The following EYA2 variants were observed in gnomAD, a reference collection of about 807,000 sequenced individuals.
EYA2 encodes EYA transcriptional coactivator and phosphatase 2, also known as protein phosphatase EYA2.
Under a neutral mutation model 69.2 loss-of-function variants are expected in EYA2, and 31 were observed. That is an observed-to-expected ratio of 0.45 (90% CI 0.34 to 0.60). The LOEUF (loss-of-function observed/expected upper bound fraction) is 0.60. EYA2 is among the 20% of genes least tolerant of loss of function. The pLI, the probability that EYA2 is intolerant of heterozygous loss-of-function variation, is 0.02. For synonymous variants in EYA2, 257 were observed against 279.4 expected (o/e 0.92, Z 0.80); for missense variants, 622 against 701.2 (o/e 0.89, Z 1.28).
intron 12 of EYA2, among the ~76,000 whole-genome samples, chr20:47,174,306 G>A (rs1039927951): frequency 6.6e-6 from 1 of 152,230 alleles, no homozygotes; most frequent in African/African-American, 2.4e-5. Flanking sequence ...TAGCTATGTG[G>A]CCTTAGGCAA....
Position 46,987,975 on chromosome 20 carries a change from TATATATATATATATATATATATGG to T in EYA2, c.-10-2025_-10-2002del, listed in dbSNP as rs1462435663. On this transcript the variant is annotated intron_variant, in intron 1 of 15. Transcript: ENST00000327619. ...CTCTCTCTCTCTCTCTATATATATA[TATATATATATATATATATATATGG>T]GGCAAAAAAAAAATACAGAATAAAA... Among the ~76,000 whole-genome samples the T allele has an allele frequency of 3.1e-3, 209 of 68,406 alleles. 10 individuals are homozygous for T. Among genetic ancestry groups the T allele is most frequent in the African/African-American group, 0.014 (201 of 13,968 alleles). The allele number at this position is 68,406 out of a possible 152,430, so 44.9% of individuals were successfully genotyped here.
intron 6 of EYA2, among the ~76,000 whole-genome samples, chr20:47,073,498 G>GA (rs553578026): frequency 6.6e-6 from 1 of 151,992 alleles, no homozygotes; most frequent in Non-Finnish European, 1.5e-5. Flanking sequence ...GTGTCGTGGG[G>GA]GGGGGGTGCA....
intron 4 of EYA2, among the ~76,000 whole-genome samples, chr20:47,011,235 G>A (rs889875011): frequency 6.6e-6 from 1 of 152,152 alleles, no homozygotes; most frequent in Non-Finnish European, 1.5e-5. Context: ...ACTGAGGCTT[G>A]GAAAGCAGAG....
intron 9 of EYA2, among the ~76,000 whole-genome samples, chr20:47,126,712 TA>T (rs2033200158): frequency 6.6e-6 from 1 of 152,200 alleles, no homozygotes; most frequent in Non-Finnish European, 1.5e-5. Context: ...TTCATTATTT[TA>T]AAAATCATTT....
intron 9 of EYA2, among the ~76,000 whole-genome samples, chr20:47,134,018 C>A (rs976960667): frequency 6.6e-6 from 1 of 152,262 alleles, no homozygotes; most frequent in African/African-American, 2.4e-5. Flanking sequence ...CAAGGGCCAG[C>A]CCTGAAGACA....
rs548966890 is a variant in EYA2, at chr20:47,136,761, C to T, written c.889-6298C>T. 3.4e-5 allele frequency among the ~76,000 whole-genome samples: 5 copies of T among 148,198 alleles called. No homozygotes were observed. The South Asian group carries it at 6.4e-4, about 19-fold the overall frequency. ...TGTCTCAAAAAAAAAAAAAAAAGAA[C>T]TTCATCAAGAATGCATAATAGTTAT... is the stretch of plus-strand genomic sequence containing the variant. On this transcript the variant is annotated intron_variant, in intron 9 of 15. Coordinates refer to ENST00000327619, the MANE Select transcript of EYA2 (RefSeq NM_005244.5).
At position 47,162,433 on chromosome 20, in the gene EYA2, G is replaced by A. The variant is rs113512386; in HGVS notation, c.979-6706G>A. On this transcript the variant is annotated intron_variant, in intron 10 of 15. Transcript: ENST00000327619. Reference sequence around the variant, plus strand: ...TATCCCTAGTCCAATACTAGTTTCTGTCCAGTGATAGAGATTTTTGTCTCT... The same window carrying A: ...TATCCCTAGTCCAATACTAGTTTCTATCCAGTGATAGAGATTTTTGTCTCT... Among the ~76,000 whole-genome samples, 228 of 151,222 alleles carry A rather than the reference G, an allele frequency of 1.5e-3. 1 individual carries two copies. The highest frequency in any genetic ancestry group is 5.4e-3 in the African/African-American group (221 of 41,130).
chr20:46,951,266 T>C (rs1352185538), intron 1 of EYA2, among the ~76,000 whole-genome samples: 4 of 152,140 alleles, frequency 2.6e-5, no homozygotes, highest in South Asian at 4.1e-4. Context: ...GTGCCTATCA[T>C]GGAGGGATTT....
intron 5 of EYA2, among the ~76,000 whole-genome samples, chr20:47,059,649 C>G (rs1337182387): frequency 6.6e-6 from 1 of 152,194 alleles, no homozygotes; most frequent in Non-Finnish European, 1.5e-5. Flanking sequence ...GTACCTGGCC[C>G]ATAATTTCTA....
chr20:46,956,660 C>A (rs1357795286), intron 1 of EYA2, among the ~76,000 whole-genome samples: 1 of 152,206 alleles, frequency 6.6e-6, no homozygotes, highest in East Asian at 1.9e-4. Flanking sequence ...CTGGACCTAA[C>A]TGCAAGGAGA....
At chr20:46,926,217 A>G (rs1600549981) in intron 1 of EYA2, among the ~76,000 whole-genome samples, 2 of 152,334 alleles carry the variant, frequency 1.3e-5, no homozygotes, top group South Asian at 2.1e-4. Flanking sequence ...ACAGAAAAAA[A>G]TAGGAAATAT....
At chr20:46,914,834 A>T (rs1202841717) in intron 1 of EYA2, among the ~76,000 whole-genome samples, 2 of 152,218 alleles carry the variant, frequency 1.3e-5, no homozygotes, top group African/African-American at 2.4e-5. Context: ...TGCCAGCCCC[A>T]TCGTCACACT....
At chr20:46,924,669 CAAAAAAAAAA>C (rs10568771) in intron 1 of EYA2, among the ~76,000 whole-genome samples, 42,174 of 89,484 alleles carry the variant, frequency 0.47, 7,494 homozygotes, top group South Asian at 0.59. Flanking sequence ...GACTCCATCT[CAAAAAAAAAA>C]AAAAAAAAAA....
intron 5 of EYA2, among the ~76,000 whole-genome samples, chr20:47,068,037 T>A (rs982161828): frequency 6.6e-6 from 1 of 152,226 alleles, no homozygotes; most frequent in Non-Finnish European, 1.5e-5. Context: ...GTTTGATTAA[T>A]AAATGAATGA....
At chr20:47,011,348 C>T (rs1216092276) in intron 4 of EYA2, among the ~76,000 whole-genome samples, 1 of 152,172 alleles carries the variant, frequency 6.6e-6, no homozygotes, top group Non-Finnish European at 1.5e-5. Flanking sequence ...GGAGCACCTG[C>T]TCAGGGGGCT....
intron 3 of EYA2, 148 bp downstream of exon 3, chr20:47,001,621 T>A (rs993125350): frequency 1.3e-6 from 1 of 799,416 alleles, no homozygotes; most frequent in Non-Finnish European, 2.1e-6. Flanking sequence ...CTTGAGCAAG[T>A]CACTCCACCT....
chr20:47,155,150 C>G (rs2033898385), intron 10 of EYA2, among the ~76,000 whole-genome samples: 1 of 151,996 alleles, frequency 6.6e-6, no homozygotes, highest in African/African-American at 2.4e-5. Flanking sequence ...GCCGCCGCAC[C>G]TGGCCAAGAT....
At chr20:47,114,962 C>T (rs928077244) in intron 9 of EYA2, among the ~76,000 whole-genome samples, 12 of 152,364 alleles carry the variant, frequency 7.9e-5, no homozygotes, top group Non-Finnish European at 1.3e-4. Context: ...TCAGCAGTTG[C>T]CTGTGCTGTG....
intron 5 of EYA2, among the ~76,000 whole-genome samples, chr20:47,042,319 C>G (rs1413543068): frequency 1.3e-5 from 2 of 152,178 alleles, no homozygotes; most frequent in Admixed American, 6.5e-5. Context: ...ACTCCAAGCT[C>G]TTCACTTCTG....
Sources: gnomAD v4.1 joint callset for allele counts (sites outside exome capture counted in the v4.1 genomes callset) on GRCh38, gnomAD v4.1.1 for gene constraint, MANE v1.5 for transcripts, NCBI Gene and HGNC (gene_info 2026-07-23, HGNC 2026-07-21) for gene names.